Variants in LMF1 observed in about 807,000 individuals in gnomAD.
LMF1 encodes transmembrane protein 112.
Under a neutral mutation model 60.6 loss-of-function variants are expected in LMF1, and 68 were observed. That is an observed-to-expected ratio of 1.12 (90% CI 0.92 to 1.37). LMF1 has a LOEUF of 1.37. Ranked by LOEUF, LMF1 falls within the 40% of genes most tolerant of loss-of-function variation. The pLI is 0.00. For synonymous variants in LMF1, 418 were observed against 324.7 expected, an observed-to-expected ratio of 1.29 and a Z score of -3.09; for missense variants, 948 against 767.2, an observed-to-expected ratio of 1.24 and a Z score of -2.78.
rs917811376 is a variant in LMF1 at position 931,770 on chromosome 16, A to G, written c.514+2474T>C. 7.0e-6 allele frequency: 9 copies of G among 1,287,236 alleles called. No individual in the cohort carries two copies. The Admixed American group carries it at 1.6e-4, about 23-fold the overall frequency. 79.7% of individuals were successfully genotyped at this position (1,287,236 alleles called of 1,614,324 possible). A position where few individuals can be genotyped will look rare whatever the true frequency, so the allele number is the denominator to read the frequency against. On this transcript the variant is annotated intron_variant, in intron 3 of 10. Coordinates refer to ENST00000262301, the MANE Select transcript of LMF1 (RefSeq NM_022773.4). ...CGAGTCTTCTGAATTTCTGCGCGAC[A>G]GTCCAAAGTGACGTGCTGAGCCGCT...
chr16:928,895 A>T (rs1490997444), intron 3 of LMF1, among the ~76,000 whole-genome samples: 1 of 152,182 alleles, frequency 6.6e-6, no homozygotes, highest in East Asian at 1.9e-4. Flanking sequence ...TGGGGGCCTA[A>T]AACACTCCAA....
intron 5 of LMF1, among the ~76,000 whole-genome samples, chr16:880,290 G>T (rs1171611366): frequency 1.3e-5 from 2 of 152,188 alleles, no homozygotes; most frequent in Non-Finnish European, 1.5e-5. Flanking sequence ...AGCCTCCCAG[G>T]CCAAGGCACA....
At chr16:870,485 C>A (rs557152380) in intron 8 of LMF1, among the ~76,000 whole-genome samples, 1 of 152,212 alleles carries the variant, frequency 6.6e-6, no homozygotes, top group African/African-American at 2.4e-5. Context: ...ATTCCAGGGC[C>A]GCAGCCCACC....
Position 870,741 on chromosome 16 carries a change from C to A in LMF1, c.1220G>T (p.Gly407Val). The part of the protein sequence containing the change: ...FNSLHIVNTY[G>V]AFGSITKERA... Reference sequence around the variant, plus strand: ...CCCAGGCTCATACCTTCCGAAGGCCCCGTAAGTGTTGACGATGTGAAGAGA... The same window carrying A: ...CCCAGGCTCATACCTTCCGAAGGCCACGTAAGTGTTGACGATGTGAAGAGA... The change falls in exon 8 of 11, where the codon GGG (glycine) becomes GTG (valine). Residue 407 changes from glycine to valine, a missense_variant. Transcript: ENST00000262301. 1 of 1,612,884 alleles carries A rather than the reference C, an allele frequency of 6.2e-7. No homozygotes were observed. The highest frequency in any genetic ancestry group is 1.1e-5 in the South Asian group (1 of 91,080).
rs572508589 is a variant in LMF1, at chr16:914,998, C to T, written c.515-3919G>A. ...TCGGCGTCTCTAAGGACTCCGGCCT[C>T]GCTGCTGCCTGCTCGGCTGGCCCAG... On this transcript the variant is annotated intron_variant, in intron 3 of 10. Coordinates refer to ENST00000262301, the MANE Select transcript of LMF1 (RefSeq NM_022773.4). 2.0e-5 allele frequency among the ~76,000 whole-genome samples: 3 copies of T among 152,376 alleles called. No homozygotes were observed. In the East Asian group the frequency reaches 5.8e-4, roughly 29 times the overall value.
chr16:854,059 A>G lies in LMF1; in HGVS notation c.*473T>C. 2.2e-6 allele frequency: 1 copy of G among 455,398 alleles called. No homozygotes were observed. The highest frequency in any genetic ancestry group is 4.4e-6 in the Non-Finnish European group (1 of 227,740). 28.2% of individuals were successfully genotyped at this position (455,398 alleles called of 1,614,324 possible). ...TGTGGGGCGAGGGTTTGGCTGCCCC[A>G]GACGTGACAGGGACTTGGCTCTGAG... On this transcript the variant is annotated 3_prime_UTR_variant, in exon 11 of 11. Coordinates refer to ENST00000262301, the MANE Select transcript of LMF1 (RefSeq NM_022773.4).
chr16:907,406 G>GA (rs921252114), intron 4 of LMF1, among the ~76,000 whole-genome samples: 70 of 141,158 alleles, frequency 5.0e-4, no homozygotes, highest in African/African-American at 8.3e-4. Flanking sequence ...ATCTCAAAAA[G>GA]AAAAAAAAAA....
At chr16:921,445 G>C (rs1459432211) in intron 3 of LMF1, among the ~76,000 whole-genome samples, 1 of 152,050 alleles carries the variant, frequency 6.6e-6, no homozygotes. Flanking sequence ...GCCAGGCACC[G>C]GCACAAAGCC....
chr16:913,160 C>T (rs2071169525), intron 3 of LMF1, among the ~76,000 whole-genome samples: 2 of 152,266 alleles, frequency 1.3e-5, no homozygotes, highest in South Asian at 4.1e-4. Flanking sequence ...GACCTCCCTT[C>T]CCTTTAGCCA....
intron 6 of LMF1, chr16:872,838 A>C (rs1454213778): frequency 1.3e-5 from 2 of 152,314 alleles, no homozygotes; most frequent in Non-Finnish European, 2.9e-5. Context: ...CCTGGGGCAC[A>C]GCCTGAGCCA....
intron 4 of LMF1, among the ~76,000 whole-genome samples, chr16:894,568 G>A (rs73497263): frequency 0.031 from 4,736 of 152,282 alleles, 109 homozygotes; most frequent in East Asian, 0.1. Flanking sequence ...GCGACAAGGC[G>A]CAGAGAGGAA....
At chr16:879,804 G>A in intron 5 of LMF1, 67 bp from the exon 6 acceptor site, 2 of 1,475,244 alleles carry the variant, frequency 1.4e-6, no homozygotes, top group Non-Finnish European at 1.8e-6. Context: ...GGAGAGGCTT[G>A]TGGGTCCCTG....
At chr16:865,029 C>A (rs920473126) in intron 10 of LMF1, among the ~76,000 whole-genome samples, 4 of 152,196 alleles carry the variant, frequency 2.6e-5, no homozygotes, top group African/African-American at 9.6e-5. Flanking sequence ...TTTTTCCCAA[C>A]CTGCTTTCCT....
rs766688892 is a variant in LMF1, at chr16:970,929, G to A, written c.52C>T (p.Arg18Trp). 7 of 1,565,220 alleles carry A rather than the reference G, an allele frequency of 4.5e-6. No homozygotes were observed. Among genetic ancestry groups the A allele is most frequent in the Non-Finnish European group, 6.1e-6 (7 of 1,153,096 alleles). ...TCCGGATCCGAGTACCCAGTCTTCC[G>A]CCTCCTCAGCGACTCCGCGGGCGCC... ...MAAPAESLRR[R>W]KTGYSDPEPE... The change falls in exon 1 of 11, where the codon CGG becomes TGG. Residue 18 changes from arginine to tryptophan, a missense_variant. By Grantham distance (101) the Arg-to-Trp change is moderately radical. Coordinates refer to ENST00000262301, the MANE Select transcript of LMF1 (RefSeq NM_022773.4).
intron 3 of LMF1, among the ~76,000 whole-genome samples, chr16:922,937 T>C (rs543149976): frequency 9.1e-6 from 1 of 109,446 alleles, no homozygotes; most frequent in East Asian, 2.7e-4. Flanking sequence ...TGTGATGTGG[T>C]GTTGGTGTCG....
intron 10 of LMF1, among the ~76,000 whole-genome samples, chr16:857,669 A>T (rs371439911): frequency 0.029 from 60 of 2,064 alleles, no homozygotes; most frequent in East Asian, 0.1. Flanking sequence ...GAGTGGTGTC[A>T]CGGGACGGGT....
At chr16:978,523 G>A (rs1260439747) in intron 1 of LMF1, among the ~76,000 whole-genome samples, 2 of 152,170 alleles carry the variant, frequency 1.3e-5, no homozygotes, top group African/African-American at 4.8e-5. Flanking sequence ...TTGGCGCCCA[G>A]GCCAGGGCAT....
At chr16:936,949 G>A (rs1015863971) in intron 2 of LMF1, among the ~76,000 whole-genome samples, 7 of 152,148 alleles carry the variant, frequency 4.6e-5, no homozygotes, top group African/African-American at 1.2e-4. Flanking sequence ...CAGCCTGGGC[G>A]ACAGGGCGGG....
chr16:940,004 C>T (rs763450785), intron 2 of LMF1, among the ~76,000 whole-genome samples: 3 of 152,082 alleles, frequency 2.0e-5, no homozygotes, highest in East Asian at 1.9e-4. Context: ...TGATCACAGA[C>T]GTCCTCATCA....
Sources: allele counts gnomAD v4.1 joint callset (sites outside exome capture counted in the v4.1 genomes callset), GRCh38; gene constraint gnomAD v4.1.1; transcripts MANE v1.5; gene names NCBI Gene and HGNC (gene_info 2026-07-23, HGNC 2026-07-21).